Variants in INSC observed in about 807,000 individuals in gnomAD.
INSC encodes the protein INSC spindle orientation adaptor protein.
INSC carries 67 observed loss-of-function variants against 58.6 expected under a neutral mutation model. The ratio of observed to expected loss-of-function variants is 1.14; its 90% CI spans 0.94 to 1.40. The LOEUF is 1.40. Among genes scored for constraint, INSC ranks in the 40% most tolerant of loss-of-function variants. INSC has a pLI of 0.00. For missense variants in INSC, 714 were observed against 692.0 expected, an observed-to-expected ratio of 1.03 and a Z score of -0.36; for synonymous variants, 262 against 276.1, an observed-to-expected ratio of 0.95 and a Z score of 0.51.
chr11:15,246,107 A>T lies in INSC; in HGVS notation c.*67A>T. On this transcript the variant is annotated 3_prime_UTR_variant, in exon 13 of 13. Coordinates refer to ENST00000379556, the MANE Select transcript of INSC (RefSeq NM_001042536.3). ...CCTCTGACTATGCACCAGTGAACAC[A>T]TCTGAGTACATACCAGCTCTCCTCA... The T allele has an allele frequency of 6.5e-7, 1 of 1,546,772 alleles. No individual in the cohort carries two copies.
chr11:15,114,873 GT>G (rs1174834280), upstream of INSC: 44 of 910,954 alleles, frequency 4.8e-5, no homozygotes, highest in African/African-American at 7.4e-4. Context: ...GGGGCGGGGG[GT>G]GGGGCGGGGG....
intron 1 of INSC, among the ~76,000 whole-genome samples, chr11:15,117,411 G>A (rs1037106799): frequency 1.3e-5 from 2 of 152,138 alleles, no homozygotes; most frequent in Non-Finnish European, 1.5e-5. Flanking sequence ...CTTGGGAATG[G>A]TTAAAAAAGG....
chr11:15,117,240 C>G lies in INSC; in HGVS notation c.-46+2237C>G, dbSNP rs542273182. Among the ~76,000 whole-genome samples, 39 of 152,086 alleles carry G rather than the reference C, an allele frequency of 2.6e-4. 1 individual carries two copies. The South Asian group carries it at 7.7e-3, about 30-fold the overall frequency. ...AACAGGTGTGAGCCACCATGCCTGG[C>G]CTGAGTTTCTTCTTTCTTAGTGTTT... On this transcript the variant is annotated intron_variant, in intron 1 of 12. Transcript: ENST00000379556.
rs776426855 is a variant in INSC, at chr11:15,240,553, C to T, written c.1470+30C>T. 9.4e-6 allele frequency: 15 copies of T among 1,596,458 alleles called. 1 individual carries two copies. In the South Asian group the frequency reaches 1.6e-4, roughly 17 times the overall value. On this transcript the variant is annotated intron_variant, in intron 12 of 12. Coordinates refer to ENST00000379556, the MANE Select transcript of INSC (RefSeq NM_001042536.3). ...GTTCTCAGTCTTCCCCCAGCTTTTC[C>T]CCTGGCCTTCGGAATGCAGCCAAGG... is the stretch of plus-strand genomic sequence containing the variant.
intron 7 of INSC, among the ~76,000 whole-genome samples, chr11:15,219,903 G>T (rs1385694778): frequency 2.6e-5 from 4 of 152,156 alleles, no homozygotes; most frequent in Non-Finnish European, 5.9e-5. Context: ...CCCAAACGAG[G>T]CCTCTCTCTG....
At chr11:15,263,003 A>G in the INSC span, among the ~76,000 whole-genome samples, 1 of 152,190 alleles carries the variant, frequency 6.6e-6, no homozygotes, top group Non-Finnish European at 1.5e-5. Context: ...AAAGGGCAAA[A>G]CTATTAAAAA....
chr11:15,122,204 G>A (rs1012811502), intron 1 of INSC, among the ~76,000 whole-genome samples: 1 of 152,188 alleles, frequency 6.6e-6, no homozygotes, highest in Non-Finnish European at 1.5e-5. Flanking sequence ...CCCAAAGACT[G>A]TGATAGAGAG....
chr11:15,117,743 C>A (rs936731288), intron 1 of INSC, among the ~76,000 whole-genome samples: 1 of 152,158 alleles, frequency 6.6e-6, no homozygotes, highest in Non-Finnish European at 1.5e-5. Context: ...TCCTCAATTT[C>A]AAATATGTCA....
At chr11:15,120,047 G>A (rs982796652) in intron 1 of INSC, among the ~76,000 whole-genome samples, 1 of 152,178 alleles carries the variant, frequency 6.6e-6, no homozygotes, top group African/African-American at 2.4e-5. Context: ...TGGGCACACT[G>A]TGTTATCTTG....
At chr11:15,166,884 C>T (rs980258629) in intron 2 of INSC, among the ~76,000 whole-genome samples, 1 of 152,148 alleles carries the variant, frequency 6.6e-6, no homozygotes, top group Non-Finnish European at 1.5e-5. Flanking sequence ...CTGGCTCTCT[C>T]AAGTCATGTG....
At chr11:15,264,106 A>T in the INSC span, among the ~76,000 whole-genome samples, 1 of 125,194 alleles carries the variant, frequency 8.0e-6, no homozygotes, top group African/African-American at 3.0e-5. Context: ...AAAGGTCAGT[A>T]GCCTTAATTA....
chr11:15,221,751 C>T, intron 8 of INSC, 103 bp downstream of exon 8: 1 of 1,014,780 alleles, frequency 9.9e-7, no homozygotes, highest in East Asian at 2.6e-5. Flanking sequence ...CATTGCACCC[C>T]AAATATCTCC....
intron 9 of INSC, 103 bp downstream of exon 9, chr11:15,225,931 C>A: frequency 8.4e-7 from 1 of 1,190,580 alleles, no homozygotes. Context: ...GCATGGGAGT[C>A]CTGTTAGTTT....
At chr11:15,133,062 A>G (rs1314694104) in intron 1 of INSC, among the ~76,000 whole-genome samples, 1 of 152,200 alleles carries the variant, frequency 6.6e-6, no homozygotes, top group African/African-American at 2.4e-5. Flanking sequence ...CAGGGAACTG[A>G]AATTTCAGCC....
At chr11:15,132,841 C>T (rs375551544) in intron 1 of INSC, among the ~76,000 whole-genome samples, 12 of 152,062 alleles carry the variant, frequency 7.9e-5, no homozygotes, top group African/African-American at 2.9e-4. Context: ...AATATATTTT[C>T]CTGTTGTCTG....
At chr11:15,135,315 GT>G (rs1374675007) in intron 1 of INSC, among the ~76,000 whole-genome samples, 1 of 152,174 alleles carries the variant, frequency 6.6e-6, no homozygotes, top group Non-Finnish European at 1.5e-5. Flanking sequence ...CTGCAAATGG[GT>G]TGTTTTTCAT....
chr11:15,239,347 A>G (rs1447030052), intron 11 of INSC, among the ~76,000 whole-genome samples: 3 of 152,194 alleles, frequency 2.0e-5, no homozygotes, highest in South Asian at 2.1e-4. Flanking sequence ...CCATTCTTTC[A>G]TTCACTCATT....
At chr11:15,186,156 C>T (rs928127191) in intron 5 of INSC, among the ~76,000 whole-genome samples, 5 of 152,154 alleles carry the variant, frequency 3.3e-5, no homozygotes, top group African/African-American at 4.8e-5. Flanking sequence ...TCTGAGTCCA[C>T]GAGGGTCAGT....
At chr11:15,173,290 A>T (rs1849464066) in intron 2 of INSC, among the ~76,000 whole-genome samples, 2 of 152,348 alleles carry the variant, frequency 1.3e-5, no homozygotes, top group Admixed American at 1.3e-4. Flanking sequence ...ATATTTACAA[A>T]AAAAGCAATA....
Sources: gnomAD v4.1 joint callset for allele counts (sites outside exome capture counted in the v4.1 genomes callset) on GRCh38, gnomAD v4.1.1 for gene constraint, MANE v1.5 for transcripts, NCBI Gene and HGNC (gene_info 2026-07-23, HGNC 2026-07-21) for gene names.